DYM: variants seen among roughly 807,000 people sequenced by gnomAD.
The protein encoded by DYM is dyggve-Melchior-Clausen syndrome protein.
In DYM, 78 loss-of-function variants were observed where a neutral mutation model predicts 93.1. That is an observed-to-expected ratio of 0.84 (90% CI 0.70 to 1.01). The LOEUF is 1.01. DYM is among the 50% of genes least tolerant of loss of function. The pLI is 0.00. For synonymous variants in DYM, 321 were observed against 319.7 expected (o/e 1.00, Z -0.04); for missense variants, 789 against 845.0 (o/e 0.93, Z 0.82).
At chr18:49,446,284 C>G (rs1202294269) in intron 1 of DYM, among the ~76,000 whole-genome samples, 5 of 151,960 alleles carry the variant, frequency 3.3e-5, no homozygotes, top group Non-Finnish European at 7.4e-5. Context: ...GAGAGAGAGA[C>G]AGAGTTCTTA....
chr18:49,327,044 G>A (rs2062939695), intron 8 of DYM, among the ~76,000 whole-genome samples: 1 of 115,196 alleles, frequency 8.7e-6, no homozygotes. Context: ...TGTGGTGGGG[G>A]GAGAGAAAGA....
At chr18:49,373,724 G>A (rs555414066) in intron 5 of DYM, among the ~76,000 whole-genome samples, 174 of 152,070 alleles carry the variant, frequency 1.1e-3, no homozygotes, top group Non-Finnish European at 1.9e-3. Flanking sequence ...ACAATATCAC[G>A]TTAAATAAAG....
At chr18:49,446,308 C>G (rs1228692665) in intron 1 of DYM, among the ~76,000 whole-genome samples, 1 of 152,046 alleles carries the variant, frequency 6.6e-6, no homozygotes, top group Middle Eastern at 3.2e-3. Context: ...GTAACTGCCT[C>G]TGAAAATGAG....
chr18:49,232,702 G>A (rs2093738841), intron 13 of DYM, among the ~76,000 whole-genome samples: 1 of 146,056 alleles, frequency 6.8e-6, no homozygotes, highest in Admixed American at 7.0e-5. Flanking sequence ...TCTGCGTCCC[G>A]GGTTCAAGCG....
At chr18:49,158,713 G>A (rs2086724675) in intron 15 of DYM, among the ~76,000 whole-genome samples, 1 of 152,110 alleles carries the variant, frequency 6.6e-6, no homozygotes, top group South Asian at 2.1e-4. Flanking sequence ...GTTTGTGCCT[G>A]GCTTGTTTCA....
intron 14 of DYM, among the ~76,000 whole-genome samples, chr18:49,170,082 G>T (rs1238361867): frequency 1.3e-5 from 2 of 152,134 alleles, no homozygotes; most frequent in Non-Finnish European, 2.9e-5. Context: ...GGAAGAAAAA[G>T]AAATTAATAA....
At chr18:49,434,810 T>G (rs1199535644) in intron 1 of DYM, among the ~76,000 whole-genome samples, 3 of 151,576 alleles carry the variant, frequency 2.0e-5, no homozygotes, top group South Asian at 2.1e-4. Flanking sequence ...TAAAAAAAAT[T>G]TTTTAATTAG....
At chr18:49,376,119 G>A (rs746650647) in intron 5 of DYM, among the ~76,000 whole-genome samples, 5 of 152,036 alleles carry the variant, frequency 3.3e-5, no homozygotes, top group African/African-American at 4.8e-5. Context: ...GTGATCATGT[G>A]AGTCACTACT....
intron 17 of DYM, among the ~76,000 whole-genome samples, chr18:49,048,705 T>C (rs2071977808): frequency 6.6e-6 from 1 of 152,248 alleles, no homozygotes; most frequent in Non-Finnish European, 1.5e-5. Context: ...CCTGCCCTCA[T>C]GGCTTTGGGG....
intron 8 of DYM, among the ~76,000 whole-genome samples, chr18:49,320,453 C>T (rs1599400420): frequency 2.0e-5 from 3 of 152,042 alleles, no homozygotes; most frequent in African/African-American, 7.2e-5. Flanking sequence ...GTTGCAGAAA[C>T]ACAGTGATTC....
intron 8 of DYM, among the ~76,000 whole-genome samples, chr18:49,325,881 C>A (rs1036240574): frequency 1.3e-5 from 2 of 152,250 alleles, no homozygotes; most frequent in East Asian, 3.9e-4. Context: ...CAAGGGAATA[C>A]ACGAGGAGGG....
intron 15 of DYM, among the ~76,000 whole-genome samples, chr18:49,139,475 G>GA (rs1256765171): frequency 6.6e-6 from 1 of 152,112 alleles, no homozygotes; most frequent in Non-Finnish European, 1.5e-5. Context: ...GCTAAACTGT[G>GA]AAAATATCCA....
At chr18:49,195,288 C>T (rs1266831069) in intron 14 of DYM, among the ~76,000 whole-genome samples, 1 of 152,112 alleles carries the variant, frequency 6.6e-6, no homozygotes, top group Non-Finnish European at 1.5e-5. Flanking sequence ...TATAACTGTA[C>T]ATATTTATGC....
At chr18:49,129,712 C>T (rs1382960824) in intron 15 of DYM, among the ~76,000 whole-genome samples, 2 of 152,180 alleles carry the variant, frequency 1.3e-5, no homozygotes, top group East Asian at 3.9e-4. Context: ...GAGGGCCCCT[C>T]TACCACTGCT....
intron 1 of DYM, among the ~76,000 whole-genome samples, chr18:49,457,039 C>T (rs767843001): frequency 6.6e-6 from 1 of 152,226 alleles, no homozygotes; most frequent in South Asian, 2.1e-4. Context: ...TCTCTCTGTC[C>T]GAAGAAAGGA....
intron 16 of DYM, among the ~76,000 whole-genome samples, chr18:49,108,212 G>A (rs1266970048): frequency 2.6e-5 from 4 of 152,208 alleles, no homozygotes; most frequent in East Asian, 1.9e-4. Context: ...AGCCAGGCAC[G>A]GGATATAATC....
intron 6 of DYM, among the ~76,000 whole-genome samples, chr18:49,336,328 A>AATT (rs2063674443): frequency 6.6e-6 from 1 of 152,206 alleles, no homozygotes; most frequent in African/African-American, 2.4e-5. Context: ...TCTCCTTCAA[A>AATT]ATTAATTGGG....
At chr18:49,201,992 G>A (rs1348858281) in intron 14 of DYM, among the ~76,000 whole-genome samples, 1 of 152,170 alleles carries the variant, frequency 6.6e-6, no homozygotes, top group African/African-American at 2.4e-5. Context: ...GTCAGGACAG[G>A]AACTCTCTAT....
At chr18:49,081,442 G>A (rs1373740674) in intron 17 of DYM, among the ~76,000 whole-genome samples, 1 of 151,594 alleles carries the variant, frequency 6.6e-6, no homozygotes, top group East Asian at 2.0e-4. Context: ...GCCGTGAGCC[G>A]AGATGGCAGC....
Sources: gnomAD v4.1 joint callset for allele counts (sites outside exome capture counted in the v4.1 genomes callset) on GRCh38, gnomAD v4.1.1 for gene constraint, MANE v1.5 for transcripts, NCBI Gene and HGNC (gene_info 2026-07-23, HGNC 2026-07-21) for gene names.